Variants in IMMP2L observed in about 807,000 individuals in gnomAD.
IMMP2L encodes the protein inner mitochondrial membrane peptidase subunit 2.
In IMMP2L, 18 loss-of-function variants were observed where a neutral mutation model predicts 19.3. The ratio of observed to expected loss-of-function variants is 0.93; its 90% CI spans 0.64 to 1.38. IMMP2L has a LOEUF of 1.38. Among genes scored for constraint, IMMP2L ranks in the 40% most tolerant of loss-of-function variants. IMMP2L has a pLI of 0.00. For synonymous variants in IMMP2L, 76 were observed against 73.0 expected (o/e 1.04, Z -0.21); for missense variants, 233 against 218.2 (o/e 1.07, Z -0.43).
chr7:110,805,983 CA>C (rs1388670903), intron 5 of IMMP2L, among the ~76,000 whole-genome samples: 3 of 151,730 alleles, frequency 2.0e-5, no homozygotes, highest in Admixed American at 2.0e-4. Flanking sequence ...CTAGTTAGAC[CA>C]ACCCTTGCTA....
chr7:111,395,714 T>A (rs1020175683), intron 3 of IMMP2L, among the ~76,000 whole-genome samples: 1 of 152,194 alleles, frequency 6.6e-6, no homozygotes, highest in Non-Finnish European at 1.5e-5. Flanking sequence ...CTATCTATAG[T>A]AATATTATTC....
intron 3 of IMMP2L, among the ~76,000 whole-genome samples, chr7:111,031,709 G>A (rs1790841399): frequency 1.3e-5 from 2 of 152,082 alleles, no homozygotes; most frequent in African/African-American, 4.8e-5. Context: ...TTGAGTGTGG[G>A]CTGCTCATAG....
At chr7:111,363,470 T>C (rs1829448222) in intron 3 of IMMP2L, among the ~76,000 whole-genome samples, 1 of 152,156 alleles carries the variant, frequency 6.6e-6, no homozygotes, top group African/African-American at 2.4e-5. Flanking sequence ...TTTTTGATCA[T>C]AATAAAGTAA....
intron 5 of IMMP2L, among the ~76,000 whole-genome samples, chr7:110,722,080 A>G (rs981484894): frequency 1.3e-5 from 2 of 152,120 alleles, no homozygotes; most frequent in East Asian, 1.9e-4. Flanking sequence ...TAGGATGTCA[A>G]TAGGTGTGAA....
intron 3 of IMMP2L, among the ~76,000 whole-genome samples, chr7:111,444,991 C>T (rs1469635735): frequency 6.6e-6 from 1 of 151,968 alleles, no homozygotes; most frequent in Admixed American, 6.6e-5. Flanking sequence ...GGTTTATAGT[C>T]TAATGTTGAG....
intron 3 of IMMP2L, among the ~76,000 whole-genome samples, chr7:111,331,598 T>G (rs1825883096): frequency 6.6e-6 from 1 of 151,950 alleles, no homozygotes; most frequent in South Asian, 2.1e-4. Context: ...TTTGAGGTAT[T>G]GAATATGTTG....
chr7:111,127,917 A>C (rs1210228360), intron 3 of IMMP2L, among the ~76,000 whole-genome samples: 1 of 152,194 alleles, frequency 6.6e-6, no homozygotes, highest in Non-Finnish European at 1.5e-5. Context: ...AAAATATATA[A>C]AAACAGTGCA....
chr7:111,350,909 G>A (rs1584754208), intron 3 of IMMP2L, among the ~76,000 whole-genome samples: 1 of 152,122 alleles, frequency 6.6e-6, no homozygotes, highest in East Asian at 1.9e-4. Context: ...TGAATTAGAT[G>A]AAAAATAGAC....
At chr7:111,511,993 C>T (rs1046444802) in intron 2 of IMMP2L, among the ~76,000 whole-genome samples, 1 of 152,160 alleles carries the variant, frequency 6.6e-6, no homozygotes, top group Admixed American at 6.6e-5. Flanking sequence ...AGAAGTTAAA[C>T]ATAAATGTAC....
chr7:110,993,528 C>G (rs1365576827), intron 3 of IMMP2L, among the ~76,000 whole-genome samples: 1 of 151,812 alleles, frequency 6.6e-6, no homozygotes, highest in Admixed American at 6.6e-5. Flanking sequence ...AACAGAAGTC[C>G]TCCCCAAAGC....
intron 3 of IMMP2L, among the ~76,000 whole-genome samples, chr7:111,286,292 T>C (rs2130765767): frequency 6.6e-6 from 1 of 152,224 alleles, no homozygotes; most frequent in Middle Eastern, 3.4e-3. Context: ...ACAGGACAGT[T>C]AAGAACTTTC....
intron 3 of IMMP2L, among the ~76,000 whole-genome samples, chr7:111,165,412 C>A (rs1038945968): frequency 1.3e-5 from 2 of 151,916 alleles, no homozygotes; most frequent in African/African-American, 4.8e-5. Flanking sequence ...CAAGACCCTG[C>A]TTTCAATTCT....
At chr7:110,991,670 T>G (rs1391145152) in intron 3 of IMMP2L, among the ~76,000 whole-genome samples, 1 of 152,148 alleles carries the variant, frequency 6.6e-6, no homozygotes, top group East Asian at 1.9e-4. Context: ...TGCTAATTGC[T>G]TAGGAAATAT....
intron 5 of IMMP2L, among the ~76,000 whole-genome samples, chr7:110,767,024 T>C (rs1421987797): frequency 1.3e-5 from 2 of 152,194 alleles, no homozygotes; most frequent in African/African-American, 4.8e-5. Flanking sequence ...AATGACTTCA[T>C]TAATGATTAC....
intron 3 of IMMP2L, among the ~76,000 whole-genome samples, chr7:111,080,972 A>G (rs913826556): frequency 1.3e-5 from 2 of 152,260 alleles, no homozygotes; most frequent in Non-Finnish European, 2.9e-5. Context: ...ACATCAGATC[A>G]GAAACAGCTG....
At chr7:111,215,208 G>GT (rs1410989422) in intron 3 of IMMP2L, among the ~76,000 whole-genome samples, 2 of 152,140 alleles carry the variant, frequency 1.3e-5, no homozygotes, top group Admixed American at 1.3e-4. Context: ...CCTAAGCACT[G>GT]TAAGTACTTT....
At chr7:111,280,124 C>G (rs37747) in intron 3 of IMMP2L, among the ~76,000 whole-genome samples, 12,828 of 152,208 alleles carry the variant, frequency 0.084, 619 homozygotes, top group African/African-American at 0.11. Flanking sequence ...CATACTCTAG[C>G]AAGGCCCTAA....
intron 3 of IMMP2L, among the ~76,000 whole-genome samples, chr7:110,968,490 A>G (rs1819792930): frequency 6.6e-6 from 1 of 152,086 alleles, no homozygotes; most frequent in East Asian, 1.9e-4. Flanking sequence ...CTTGGGCAAC[A>G]TGGTGAAACC....
intron 3 of IMMP2L, among the ~76,000 whole-genome samples, chr7:111,182,042 C>T (rs2037081075): frequency 6.6e-6 from 1 of 151,878 alleles, no homozygotes; most frequent in Non-Finnish European, 1.5e-5. Flanking sequence ...AAATAAAAAA[C>T]ATAAAAAGAG....
Sources: allele counts gnomAD v4.1 joint callset (sites outside exome capture counted in the v4.1 genomes callset), GRCh38; gene constraint gnomAD v4.1.1; transcripts MANE v1.5; gene names NCBI Gene and HGNC (gene_info 2026-07-23, HGNC 2026-07-21).